The following EHMT2 variants were observed in gnomAD, a reference collection of about 807,000 sequenced individuals.
The protein encoded by EHMT2 is histone-lysine N-methyltransferase EHMT2.
Under a neutral mutation model 143.3 loss-of-function variants are expected in EHMT2, and 59 were observed. That is an observed-to-expected ratio of 0.41 (90% confidence interval 0.33 to 0.51). EHMT2 has a LOEUF of 0.51. Among genes scored for constraint, EHMT2 ranks in the 20% least tolerant of loss-of-function variants. The pLI, the probability that EHMT2 is intolerant of heterozygous loss-of-function variation, is 0.18. For missense variants in EHMT2, 1,174 were observed against 1,645.9 expected (o/e 0.71, Z 4.96); for synonymous variants, 604 against 651.5 (o/e 0.93, Z 1.11).
intron 4 of EHMT2, chr6:31,895,310 A>C (rs1257670870): frequency 6.6e-6 from 1 of 152,230 alleles, no homozygotes; most frequent in Non-Finnish European, 1.5e-5. Flanking sequence ...ATTCTAATGT[A>C]AACTGGTAAA....
At position 31,896,103 on chromosome 6, in the gene EHMT2, T is replaced by C. The variant is rs1474108388; in HGVS notation, c.582+160A>G. ...TAAACTGCAGGAAGAGAGGAACCTGTCTGTTGGTTCACAGATCAAGCACAG... is the reference window on the plus strand; with the variant it reads ...TAAACTGCAGGAAGAGAGGAACCTGCCTGTTGGTTCACAGATCAAGCACAG... On this transcript the variant is annotated intron_variant, in intron 4 of 27. Coordinates refer to ENST00000375537, the Ensembl canonical transcript of EHMT2. 3 of 988,560 alleles carry C rather than the reference T, an allele frequency of 3.0e-6. No homozygotes were observed. In the African/African-American group the frequency reaches 4.9e-5, roughly 16 times the overall value. 61.2% of individuals were successfully genotyped at this position (988,560 alleles called of 1,614,324 possible).
In EHMT2 at chr6:31,888,015, A is replaced by T; in HGVS notation, c.1745+26T>A. The T allele has an allele frequency of 6.4e-7, 1 of 1,568,668 alleles. No homozygotes were observed. The highest frequency in any genetic ancestry group is 1.3e-5 in the African/African-American group (1 of 74,190). On this transcript the variant is annotated intron_variant, in intron 13 of 27. Coordinates refer to ENST00000375537, the Ensembl canonical transcript of EHMT2. The surrounding 1 kb of genome is among the most constrained non-coding windows in gnomAD (Gnocchi z 7.4). ...GCAATAGGGGTGGGGGAGGGAACAGACAGTACAGAAGGGGGAGGCCAGTAC... is the reference window on the plus strand; with the variant it reads ...GCAATAGGGGTGGGGGAGGGAACAGTCAGTACAGAAGGGGGAGGCCAGTAC...
Position 31,895,740 on chromosome 6 carries a change from C to G in EHMT2, c.582+523G>C, listed in dbSNP as rs559113251. The G allele has an allele frequency of 5.9e-4, 91 of 153,382 alleles. 1 individual carries two copies. Among genetic ancestry groups the G allele is most frequent in the Admixed American group, 3.4e-3 (52 of 15,316 alleles). 9.5% of individuals were successfully genotyped at this position (153,382 alleles called of 1,614,324 possible). ...CCTAAAGGCTGTCCTCAAAACCTGA[C>G]CAAATATACTTTACTTAATGTTAAG... On this transcript the variant is annotated intron_variant, in intron 4 of 27. Coordinates refer to ENST00000375537, the Ensembl canonical transcript of EHMT2.
chr6:31,880,678 C>T lies in EHMT2; in HGVS notation c.3447G>A (p.Glu1149=). ...AGAGACCCCTAGAGTCTCACCCTAGCTCCTCCCCAGTCCGGATGTCTCGGG... is the reference window on the plus strand; with the variant it reads ...AGAGACCCCTAGAGTCTCACCCTAGTTCCTCCCCAGTCCGGATGTCTCGGG... The change falls in exon 27 of 28, where the codon GAG becomes GAA. Residue 1149 remains glutamate (E), a synonymous_variant. Coordinates refer to ENST00000375537, the Ensembl canonical transcript of EHMT2. The surrounding 1 kb of genome is among the most constrained non-coding windows in gnomAD (Gnocchi z 6.6). 6.2e-7 allele frequency: 1 copy of T among 1,613,708 alleles called. No individual in the cohort carries two copies. Among genetic ancestry groups the T allele is most frequent in the Non-Finnish European group, 8.5e-7 (1 of 1,180,022 alleles).
chr6:31,880,110 C>G lies in EHMT2; in HGVS notation c.3607G>C (p.Gly1203Arg). 5 of 1,612,776 alleles carry G rather than the reference C, an allele frequency of 3.1e-6. No homozygotes were observed. Among genetic ancestry groups the G allele is most frequent in the Non-Finnish European group, 4.2e-6 (5 of 1,179,980 alleles). The stretch of plus-strand genomic sequence containing the variant: ...CATGTGTTGACAGGGGGCAGGGAGC[C>G]GAGCTCGGGCAGCAGCTCAGGGTGT... Residue 1203 changes from glycine (G) to arginine (R), a missense_variant, in exon 28 of 28, where the codon GGC becomes CGC. Physicochemically the swap from Gly to Arg is moderately radical, Grantham distance 125 (BLOSUM62 -2). This residue lies in a region of EHMT2 where 42 missense variants were observed against 45.1 expected (regional missense o/e 0.93). Coordinates refer to ENST00000375537, the Ensembl canonical transcript of EHMT2. This position sits in a 1 kb window ranked among gnomAD's most constrained non-coding sequence, Gnocchi z 6.6.
chr6:31,896,140 A>C, intron 4 of EHMT2, 123 bp downstream of exon 4: 1 of 1,373,588 alleles, frequency 7.3e-7, no homozygotes, highest in Non-Finnish European at 9.9e-7. Context: ...CTAATATTTG[A>C]CACACAGCAG....
rs1039311842 is a variant in EHMT2, at chr6:31,880,501, G to A, written c.3452+172C>T. On this transcript the variant is annotated intron_variant, in intron 27 of 27. Transcript: ENST00000375537. The surrounding 1 kb of genome is among the most constrained non-coding windows in gnomAD (Gnocchi z 6.6). ...GCCTACTGATTCAAAATCTCTCTGG[G>A]AGGCACAGGACTGTTTCCCCAAGTC... 2.3e-6 allele frequency: 2 copies of A among 857,146 alleles called. No homozygotes were observed. The highest frequency in any genetic ancestry group is 3.4e-5 in the African/African-American group (2 of 58,564). 53.1% of individuals were successfully genotyped at this position (857,146 alleles called of 1,614,324 possible).
At chr6:31,897,045 G>T in intron 1 of EHMT2, 56 bp from the exon 2 acceptor site, 3 of 1,512,240 alleles carry the variant, frequency 2.0e-6, no homozygotes, top group Non-Finnish European at 2.6e-6. Context: ...GAGTTGGGGG[G>T]TCCAGGATGC....
intron 15 of EHMT2, 84 bp downstream of exon 15, chr6:31,887,493 G>A (rs997654274): frequency 5.6e-6 from 7 of 1,244,514 alleles, no homozygotes; most frequent in Middle Eastern, 1.9e-4. Flanking sequence ...TGTCCTTCAC[G>A]ACTGTACTCC....
Position 31,896,184 on chromosome 6 carries a change from G to A in EHMT2, c.582+79C>T, listed in dbSNP as rs980336564. 1.0e-5 allele frequency: 16 copies of A among 1,525,720 alleles called. No individual in the cohort carries two copies. In the East Asian group the frequency reaches 2.9e-4, roughly 28 times the overall value. The allele number at this position is 1,525,720 out of a possible 1,614,324, so 94.5% of individuals were successfully genotyped here. A position where few individuals can be genotyped will look rare whatever the true frequency, so the allele number is the denominator to read the frequency against. On this transcript the variant is annotated intron_variant, in intron 4 of 27. Coordinates refer to ENST00000375537, the Ensembl canonical transcript of EHMT2. ...TTAAATATGTGAATGAGTAAATGGA[G>A]TAGAAGCCTTAAGTGAAACTGTAAA...
At chr6:31,885,058 G>C (rs764962084) in intron 18 of EHMT2, 42 bp from the exon 19 acceptor site, 1 of 1,566,954 alleles carries the variant, frequency 6.4e-7, no homozygotes, top group Non-Finnish European at 8.7e-7. Context: ...AGCTGGCCCT[G>C]CTCACCAAAG....
Position 31,888,978 on chromosome 6 carries a change from TG to T in EHMT2, c.1206del (p.Asn403ThrfsTer67). On this transcript the variant is annotated frameshift_variant, in exon 10 of 28. Transcript: ENST00000375537. LOFTEE classifies it high-confidence loss of function. This position sits in a 1 kb window ranked among gnomAD's most constrained non-coding sequence, Gnocchi z 7.4. ...GGCAATTGGCAATTACCAGCGTGGT[TG>T]GGGGAGAGGGTCCCCTCGCTGGGCA... 2 of 1,599,188 alleles carry T rather than the reference TG, an allele frequency of 1.3e-6. No homozygotes were observed. Among genetic ancestry groups the T allele is most frequent in the Non-Finnish European group, 1.7e-6 (2 of 1,174,880 alleles).
rs1763893029 is a variant in EHMT2 at position 31,880,040 on chromosome 6, G to A, written c.*44C>T. 1.9e-6 allele frequency: 3 copies of A among 1,591,926 alleles called. No homozygotes were observed. Among genetic ancestry groups the A allele is most frequent in the South Asian group, 2.2e-5 (2 of 89,952 alleles). ...GCAGCTGGTGGCAGAGGAGGCGGCT[G>A]AGCTGTGGCCATCCATGCTGGGGAG... On this transcript the variant is annotated 3_prime_UTR_variant, in exon 28 of 28. Coordinates refer to ENST00000375537, the Ensembl canonical transcript of EHMT2. This position sits in a 1 kb window ranked among gnomAD's most constrained non-coding sequence, Gnocchi z 6.6.
At position 31,884,609 on chromosome 6, in the gene EHMT2, G is replaced by A. The variant is rs367700571; in HGVS notation, c.2603+36C>T. ...TGCAGGGTCTGAGGCTGCAAGAAGT[G>A]GGGGCAGGGGCATCAAGGGCGGGGC... On this transcript the variant is annotated intron_variant, in intron 20 of 27. Transcript: ENST00000375537. The surrounding 1 kb of genome is among the most constrained non-coding windows in gnomAD (Gnocchi z 7.3). The A allele has an allele frequency of 1.2e-6, 2 of 1,604,578 alleles. No individual in the cohort carries two copies. The highest frequency in any genetic ancestry group is 2.2e-5 in the South Asian group (2 of 90,562).
At chr6:31,890,972 C>T (rs1174928577) in intron 7 of EHMT2, among the ~76,000 whole-genome samples, 1 of 150,588 alleles carries the variant, frequency 6.6e-6, no homozygotes, top group African/African-American at 2.4e-5. Context: ...GACGGAGTTT[C>T]GCTCTTGTTG....
At chr6:31,882,615 A>C in intron 25 of EHMT2, 84 bp downstream of exon 25, 1 of 1,320,732 alleles carries the variant, frequency 7.6e-7, no homozygotes, top group Non-Finnish European at 1.1e-6. Flanking sequence ...TCATCAGGGC[A>C]GATGGCTGAG....
At position 31,884,259 on chromosome 6, in the gene EHMT2, C is replaced by T; in HGVS notation, c.2771+133G>A. On this transcript the variant is annotated intron_variant, in intron 21 of 27. Transcript: ENST00000375537. The surrounding 1 kb of genome is among the most constrained non-coding windows in gnomAD (Gnocchi z 7.3). The stretch of plus-strand genomic sequence containing the variant: ...TCTGGCAACCCTAGTGGGGAGGGGG[C>T]CTGTGGGTGGTTCTGGGGATTCAGT... 1 of 1,061,612 alleles carries T rather than the reference C, an allele frequency of 9.4e-7. No individual in the cohort carries two copies. The highest frequency in any genetic ancestry group is 1.3e-6 in the Non-Finnish European group (1 of 751,706). The allele number at this position is 1,061,612 out of a possible 1,614,324, so 65.8% of individuals were successfully genotyped here. A position where few individuals can be genotyped will look rare whatever the true frequency, so the allele number is the denominator to read the frequency against.
At chr6:31,897,322 C>G in intron 1 of EHMT2, 1 of 524,962 alleles carries the variant, frequency 1.9e-6, no homozygotes, top group Non-Finnish European at 2.9e-6. Flanking sequence ...GGACCCCGGG[C>G]ACCAACCCCT....
At chr6:31,885,064 C>A (rs555740374) in intron 18 of EHMT2, 48 bp from the exon 19 acceptor site, 2 of 1,560,132 alleles carry the variant, frequency 1.3e-6, no homozygotes, top group South Asian at 2.3e-5. Context: ...CCCTGCTCAC[C>A]AAAGCAGCAA....
Sources: allele counts gnomAD v4.1 joint callset (sites outside exome capture counted in the v4.1 genomes callset), GRCh38; gene constraint gnomAD v4.1.1; regional missense constraint gnomAD v4.1.1; non-coding constraint Gnocchi (gnomAD v3.1); transcripts MANE v1.5; gene names NCBI Gene and HGNC (gene_info 2026-07-23, HGNC 2026-07-21).